Variants in LIMD1 observed in about 807,000 individuals in gnomAD.
LIMD1 encodes the protein LIM domain containing 1.
In LIMD1, 23 loss-of-function variants were observed where a neutral mutation model predicts 58.4. The ratio of observed to expected loss-of-function variants is 0.39; its 90% CI spans 0.28 to 0.56. The LOEUF (loss-of-function observed/expected upper bound fraction) is 0.56, where lower values mean the gene tolerates loss of function less well. Among genes scored for constraint, LIMD1 ranks in the 20% least tolerant of loss-of-function variants. LIMD1 has a pLI of 0.57. For synonymous variants in LIMD1, 334 were observed against 345.5 expected (o/e 0.97, Z 0.37); for missense variants, 838 against 855.5 (o/e 0.98, Z 0.25).
intron 1 of LIMD1, 23 bp from the exon 2 acceptor site, chr3:45,636,127 T>A: frequency 6.2e-7 from 1 of 1,611,618 alleles, no homozygotes; most frequent in Non-Finnish European, 8.5e-7. Flanking sequence ...CCTGACTCAC[T>A]GATGTTTCTC....
At chr3:45,649,798 G>T (rs1701947535) in intron 2 of LIMD1, among the ~76,000 whole-genome samples, 2 of 136,268 alleles carry the variant, frequency 1.5e-5, no homozygotes, top group African/African-American at 2.7e-5. Flanking sequence ...ATATATTGCT[G>T]GATATAGAAT....
At chr3:45,605,306 C>T (rs1701457604) in intron 1 of LIMD1, among the ~76,000 whole-genome samples, 1 of 152,248 alleles carries the variant, frequency 6.6e-6, no homozygotes, top group Non-Finnish European at 1.5e-5. Flanking sequence ...GGCATCCCAG[C>T]CCCTTTCCAG....
chr3:45,621,185 G>A (rs577843896), intron 1 of LIMD1, among the ~76,000 whole-genome samples: 1 of 152,074 alleles, frequency 6.6e-6, no homozygotes, highest in Admixed American at 6.6e-5. Flanking sequence ...TTAGTTCCAG[G>A]ATTGAATTCC....
intron 1 of LIMD1, among the ~76,000 whole-genome samples, chr3:45,617,049 T>TC (rs1388090015): frequency 6.8e-6 from 1 of 146,362 alleles, no homozygotes; most frequent in Non-Finnish European, 1.5e-5. Flanking sequence ...TTTTTTTTTT[T>TC]TTGAGACAGA....
At chr3:45,609,379 T>G (rs1487249872) in intron 1 of LIMD1, among the ~76,000 whole-genome samples, 3 of 152,236 alleles carry the variant, frequency 2.0e-5, no homozygotes, top group African/African-American at 7.2e-5. Flanking sequence ...TGATGTTCTC[T>G]TCTTTTTTCT....
At chr3:45,625,127 A>G (rs956317703) in intron 1 of LIMD1, among the ~76,000 whole-genome samples, 1 of 152,110 alleles carries the variant, frequency 6.6e-6, no homozygotes, top group Non-Finnish European at 1.5e-5. Context: ...AGGACAGCCT[A>G]GGAGGCAGAG....
Position 45,594,922 on chromosome 3 carries a change from A to G in LIMD1, c.43A>G (p.Ile15Val), listed in dbSNP as rs1701326886. ...DDLGLEASKF[I>V]EDLNMYEASK... is the part of the protein sequence containing the mutation. ...CCTGGGCCTGGAGGCCAGTAAATTC[A>G]TCGAGGACCTGAACATGTATGAGGC... Residue 15 changes from isoleucine to valine, a missense_variant, in exon 1 of 8, where the codon ATC becomes GTC. By Grantham distance (29) the Ile-to-Val change is conservative. Transcript: ENST00000273317. 3 of 1,612,938 alleles carry G rather than the reference A, an allele frequency of 1.9e-6. No homozygotes were observed. Among genetic ancestry groups the G allele is most frequent in the Non-Finnish European group, 1.7e-6 (2 of 1,179,850 alleles).
intron 3 of LIMD1, among the ~76,000 whole-genome samples, chr3:45,666,408 A>G (rs1386674388): frequency 6.6e-6 from 1 of 152,178 alleles, no homozygotes; most frequent in Non-Finnish European, 1.5e-5. Context: ...GAGGCCTTAT[A>G]GGGCATAAAC....
rs1235902327 is a variant in LIMD1, at chr3:45,630,360, A to G, written c.1409-5790A>G. Among the ~76,000 whole-genome samples the G allele has an allele frequency of 2.0e-5, 3 of 152,228 alleles. No homozygotes were observed. In the East Asian group the frequency reaches 5.8e-4, roughly 29 times the overall value. ...CTGGTTTCTACAAGGGCATGGCCACAGTGCAGTCACCCTGCTCCCTATCCC... is the reference window on the plus strand; with the variant it reads ...CTGGTTTCTACAAGGGCATGGCCACGGTGCAGTCACCCTGCTCCCTATCCC... On this transcript the variant is annotated intron_variant, in intron 1 of 7. Transcript: ENST00000273317.
chr3:45,616,969 G>A (rs955391864), intron 1 of LIMD1, among the ~76,000 whole-genome samples: 2 of 148,694 alleles, frequency 1.3e-5, no homozygotes, highest in Non-Finnish European at 3.0e-5. Flanking sequence ...TCCTGACCTC[G>A]TGATCCACCC....
At chr3:45,651,097 G>A (rs754351290) in intron 2 of LIMD1, among the ~76,000 whole-genome samples, 14 of 152,010 alleles carry the variant, frequency 9.2e-5, no homozygotes, top group East Asian at 1.9e-4. Context: ...GTGATGATGA[G>A]CATTTTTTCA....
chr3:45,664,495 A>G (rs984639989), intron 2 of LIMD1, among the ~76,000 whole-genome samples: 9 of 152,240 alleles, frequency 5.9e-5, no homozygotes, highest in African/African-American at 9.6e-5. Flanking sequence ...AAAGTCCTAC[A>G]GGAACCTACA....
intron 1 of LIMD1, among the ~76,000 whole-genome samples, chr3:45,631,340 T>C (rs769197652): frequency 1.5e-4 from 23 of 152,196 alleles, no homozygotes; most frequent in Non-Finnish European, 2.6e-4. Flanking sequence ...GTCCAGGGTC[T>C]GGCCCATAGT....
At chr3:45,646,761 A>T (rs549711512) in intron 2 of LIMD1, among the ~76,000 whole-genome samples, 1 of 148,332 alleles carries the variant, frequency 6.7e-6, no homozygotes, top group East Asian at 2.0e-4. Flanking sequence ...ATTATGGCTC[A>T]CTGCAACCTC....
chr3:45,639,817 C>G (rs1263582137), intron 2 of LIMD1, among the ~76,000 whole-genome samples: 1 of 152,202 alleles, frequency 6.6e-6, no homozygotes, highest in East Asian at 1.9e-4. Context: ...CATGCGCCAC[C>G]AAACCTGGCT....
chr3:45,623,362 G>T (rs1407062995), intron 1 of LIMD1, among the ~76,000 whole-genome samples: 1 of 152,160 alleles, frequency 6.6e-6, no homozygotes, highest in Non-Finnish European at 1.5e-5. Flanking sequence ...TGGGGGTGGG[G>T]TGCAGGACTT....
chr3:45,596,258 T>G lies in LIMD1; in HGVS notation c.1379T>G (p.Met460Arg). Residue 460 changes from methionine (M) to arginine (R), a missense_variant, in exon 1 of 8, where the codon ATG becomes AGG. By Grantham distance (91) the Met-to-Arg change is moderately conservative (BLOSUM62 -1). Coordinates refer to ENST00000273317, the MANE Select transcript of LIMD1 (RefSeq NM_014240.3). The stretch of plus-strand genomic sequence containing the variant: ...CTCACCCAACGTCTGGAGCGAGAGA[T>G]GGATGCTCACCCGAAGGCTGATTAC... Reference protein sequence around the residue: ...EALTQRLEREMDAHPKADYFG... With the variant: ...EALTQRLERERDAHPKADYFG... 6.2e-7 allele frequency: 1 copy of G among 1,609,492 alleles called. No individual in the cohort carries two copies. Among genetic ancestry groups the G allele is most frequent in the Non-Finnish European group, 8.5e-7 (1 of 1,178,334 alleles).
At chr3:45,634,297 GT>G (rs1701765434) in intron 1 of LIMD1, among the ~76,000 whole-genome samples, 1 of 152,058 alleles carries the variant, frequency 6.6e-6, no homozygotes, top group Non-Finnish European at 1.5e-5. Flanking sequence ...TAATTGTGCT[GT>G]CTTTCATTTG....
rs913552799 is a variant in LIMD1, at chr3:45,681,416, A to C, written c.*4357A>C. 4.6e-5 allele frequency: 7 copies of C among 152,250 alleles called. No homozygotes were observed. Among genetic ancestry groups the C allele is most frequent in the Admixed American group, 4.6e-4 (7 of 15,282 alleles). The allele number at this position is 152,250 out of a possible 1,614,324, so 9.4% of individuals were successfully genotyped here. ...TTTTACCCTACTTGCAGGCTAATAAAGTGAGCACACCACATGGGTTCATGG... is the reference window on the plus strand; with the variant it reads ...TTTTACCCTACTTGCAGGCTAATAACGTGAGCACACCACATGGGTTCATGG... On this transcript the variant is annotated 3_prime_UTR_variant, in exon 8 of 8. Coordinates refer to ENST00000273317, the MANE Select transcript of LIMD1 (RefSeq NM_014240.3).
Sources: allele counts gnomAD v4.1 joint callset (sites outside exome capture counted in the v4.1 genomes callset), GRCh38; gene constraint gnomAD v4.1.1; transcripts MANE v1.5; gene names NCBI Gene and HGNC (gene_info 2026-07-23, HGNC 2026-07-21).